The following ZNF827 variants were observed in gnomAD, a reference collection of about 807,000 sequenced individuals.
ZNF827 encodes zinc finger protein 827.
ZNF827 carries 13 observed loss-of-function variants against 102.4 expected under a neutral mutation model. The observed-to-expected ratio is 0.13, with a 90% confidence interval of 0.08 to 0.20. The LOEUF (loss-of-function observed/expected upper bound fraction) is 0.20, where lower values mean the gene tolerates loss of function less well. Among genes scored for constraint, ZNF827 ranks in the 10% least tolerant of loss-of-function variants. ZNF827 has a pLI of 1.00. For synonymous variants in ZNF827, 523 were observed against 536.2 expected, an observed-to-expected ratio of 0.98 and a Z score of 0.34; for missense variants, 1,103 against 1,344.4, an observed-to-expected ratio of 0.82 and a Z score of 2.81.
intron 7 of ZNF827, among the ~76,000 whole-genome samples, chr4:145,838,343 G>A (rs570700768): frequency 6.6e-6 from 1 of 152,162 alleles, no homozygotes; most frequent in South Asian, 2.1e-4. Flanking sequence ...CCCTTTGACT[G>A]TAATTTTCTT....
chr4:145,848,186 A>T (rs1746167822), intron 6 of ZNF827, among the ~76,000 whole-genome samples: 1 of 152,246 alleles, frequency 6.6e-6, no homozygotes, highest in African/African-American at 2.4e-5. Flanking sequence ...CAAAAAATAC[A>T]TAAATAAAAG....
chr4:145,874,946 AC>A (rs1000771881), intron 4 of ZNF827, among the ~76,000 whole-genome samples: 1 of 152,206 alleles, frequency 6.6e-6, no homozygotes, highest in African/African-American at 2.4e-5. Context: ...TTTAAAGGAA[AC>A]AAATCCGCTT....
At chr4:145,901,124 G>A (rs757092691) in intron 2 of ZNF827, among the ~76,000 whole-genome samples, 3 of 152,140 alleles carry the variant, frequency 2.0e-5, no homozygotes, top group Non-Finnish European at 2.9e-5. Context: ...AACTGTGATC[G>A]TTCCGTCAAT....
At chr4:145,899,797 G>A (rs1751270911) in intron 2 of ZNF827, among the ~76,000 whole-genome samples, 7 of 152,174 alleles carry the variant, frequency 4.6e-5, no homozygotes, top group Admixed American at 4.6e-4. Context: ...TTGGGGTGGG[G>A]AGGCCTTAGG....
At chr4:145,911,445 A>C (rs1170382141) in intron 1 of ZNF827, among the ~76,000 whole-genome samples, 2 of 152,234 alleles carry the variant, frequency 1.3e-5, no homozygotes, top group East Asian at 3.8e-4. Flanking sequence ...CAAGAGCTCA[A>C]TAATGGGTGA....
intron 8 of ZNF827, among the ~76,000 whole-genome samples, chr4:145,821,956 A>G (rs1342622496): frequency 6.6e-6 from 1 of 152,216 alleles, no homozygotes; most frequent in Non-Finnish European, 1.5e-5. Flanking sequence ...TATGGGTCAC[A>G]GCATTCTGAC....
At chr4:145,914,328 C>T (rs988460427) in intron 1 of ZNF827, among the ~76,000 whole-genome samples, 4 of 152,164 alleles carry the variant, frequency 2.6e-5, no homozygotes, top group South Asian at 2.1e-4. Context: ...TCCCCTAACG[C>T]GCCCCCTGCA....
At position 145,824,010 on chromosome 4, in the gene ZNF827, T is replaced by C. The variant is rs567044030; in HGVS notation, c.2280-485A>G. On this transcript the variant is annotated intron_variant, in intron 7 of 14. Coordinates refer to ENST00000508784, the MANE Select transcript of ZNF827 (RefSeq NM_001306215.2). ...AGGGACCAATACACTGAAGGAAACA[T>C]GTCACTGGTCCCCACAGAAACGAAA... Among the ~76,000 whole-genome samples the C allele has an allele frequency of 1.0e-3, 156 of 152,142 alleles. 1 individual carries two copies. The highest frequency in any genetic ancestry group is 1.9e-3 in the Non-Finnish European group (128 of 68,022).
Position 145,920,971 on chromosome 4 carries a change from G to A in ZNF827, c.43+17394C>T, listed in dbSNP as rs868789336. ...AAAGCTCACAGTCAATAAGAACATCGACTAGTAAGGAAGTATACTATGCAC... is the reference window on the plus strand; with the variant it reads ...AAAGCTCACAGTCAATAAGAACATCAACTAGTAAGGAAGTATACTATGCAC... On this transcript the variant is annotated intron_variant, in intron 1 of 14. Coordinates refer to ENST00000508784, the MANE Select transcript of ZNF827 (RefSeq NM_001306215.2). Among the ~76,000 whole-genome samples the A allele has an allele frequency of 2.6e-5, 4 of 152,124 alleles. No individual in the cohort carries two copies. The South Asian group carries it at 8.3e-4, about 31-fold the overall frequency.
At chr4:145,815,195 GAA>G (rs897617115) in intron 8 of ZNF827, among the ~76,000 whole-genome samples, 2 of 152,202 alleles carry the variant, frequency 1.3e-5, no homozygotes, top group African/African-American at 4.8e-5. Flanking sequence ...CCTTTGGACT[GAA>G]AGAGCTCCAG....
intron 4 of ZNF827, among the ~76,000 whole-genome samples, chr4:145,881,997 T>TC (rs748410063): frequency 6.6e-6 from 1 of 152,194 alleles, no homozygotes; most frequent in Non-Finnish European, 1.5e-5. Flanking sequence ...CCAGGGCCTA[T>TC]CCCAGTGAAT....
chr4:145,878,892 G>A (rs1194829770), intron 4 of ZNF827, among the ~76,000 whole-genome samples: 7 of 152,100 alleles, frequency 4.6e-5, no homozygotes, highest in Non-Finnish European at 5.9e-5. Flanking sequence ...GTGCTGGGGA[G>A]GAAAAGGCAT....
chr4:145,778,899 C>T (rs761946999), intron 9 of ZNF827, among the ~76,000 whole-genome samples: 4 of 151,986 alleles, frequency 2.6e-5, no homozygotes, highest in Non-Finnish European at 5.9e-5. Flanking sequence ...ACTATTTATT[C>T]CTCCTTGTTA....
At chr4:145,806,790 T>A (rs1741498649) in intron 8 of ZNF827, among the ~76,000 whole-genome samples, 1 of 152,192 alleles carries the variant, frequency 6.6e-6, no homozygotes, top group Non-Finnish European at 1.5e-5. Context: ...TTATTAATTA[T>A]ACCTAAGTCA....
intron 11 of ZNF827, among the ~76,000 whole-genome samples, chr4:145,768,858 CAAA>C (rs1174930111): frequency 7.6e-3 from 34 of 4,484 alleles, no homozygotes; most frequent in East Asian, 0.024. Flanking sequence ...GACTCCGTCT[CAAA>C]AAAAAAAAAA....
intron 5 of ZNF827, among the ~76,000 whole-genome samples, chr4:145,862,688 C>A (rs1031812146): frequency 2.0e-5 from 3 of 152,104 alleles, no homozygotes; most frequent in African/African-American, 7.2e-5. Context: ...ACAGCAAATA[C>A]GGGAGTCAGA....
chr4:145,837,877 C>A (rs1037707527), intron 7 of ZNF827, among the ~76,000 whole-genome samples: 1 of 151,866 alleles, frequency 6.6e-6, no homozygotes, highest in Non-Finnish European at 1.5e-5. Context: ...CCTTACAAGA[C>A]CTCCCTTCAG....
chr4:145,924,788 C>G (rs1753309627), intron 1 of ZNF827, among the ~76,000 whole-genome samples: 1 of 152,198 alleles, frequency 6.6e-6, no homozygotes, highest in Admixed American at 6.5e-5. Flanking sequence ...GGGCCAACCC[C>G]TTCCATATTT....
At chr4:145,888,294 G>A (rs1274094867) in intron 3 of ZNF827, among the ~76,000 whole-genome samples, 2 of 152,118 alleles carry the variant, frequency 1.3e-5, no homozygotes, top group African/African-American at 4.8e-5. Context: ...CTTCTCTCCT[G>A]ACATTCGAGC....
Sources: allele counts gnomAD v4.1 joint callset (sites outside exome capture counted in the v4.1 genomes callset), GRCh38; gene constraint gnomAD v4.1.1; transcripts MANE v1.5; gene names NCBI Gene and HGNC (gene_info 2026-07-23, HGNC 2026-07-21).